The following GRAMD2B variants were observed in gnomAD, a reference collection of about 807,000 sequenced individuals.
GRAMD2B encodes GRAM domain-containing protein 2B.
In GRAMD2B, 41 loss-of-function variants were observed where a neutral mutation model predicts 59.2. The observed-to-expected ratio is 0.69, with a 90% CI of 0.54 to 0.90. The LOEUF is 0.90. Ranked by LOEUF, GRAMD2B falls within the 40% of genes least tolerant of loss-of-function variation. The pLI is 0.00. For synonymous variants in GRAMD2B, 161 were observed against 182.7 expected, an observed-to-expected ratio of 0.88 and a Z score of 0.96; for missense variants, 424 against 500.5, an observed-to-expected ratio of 0.85 and a Z score of 1.46.
chr5:126,469,790 T>G lies in GRAMD2B; in HGVS notation c.315+2T>G, dbSNP rs201227086. On this transcript the variant is annotated splice_donor_variant, in intron 3 of 13. Coordinates refer to ENST00000285689, the MANE Select transcript of GRAMD2B (RefSeq NM_023927.4). LOFTEE classifies it high-confidence loss of function. ...AAAAAGTCTTCATCTTCCAGCCAGG[T>G]AATTTGAGAATGGAATTTGTATTGT... 26 of 1,602,242 alleles carry G rather than the reference T, an allele frequency of 1.6e-5. No individual in the cohort carries two copies. The highest frequency in any genetic ancestry group is 2.2e-5 in the Non-Finnish European group (26 of 1,170,220).
chr5:126,473,207 C>A (rs1021514338), intron 4 of GRAMD2B, 58 bp from the exon 5 acceptor site: 1 of 619,948 alleles, frequency 1.6e-6, no homozygotes, highest in Non-Finnish European at 2.7e-6. Flanking sequence ...AATATATACA[C>A]GGTTTTTATT....
chr5:126,389,524 C>T (rs766837829), intron 1 of GRAMD2B, among the ~76,000 whole-genome samples: 10 of 151,964 alleles, frequency 6.6e-5, no homozygotes, highest in Non-Finnish European at 1.2e-4. Flanking sequence ...TAGTAAGAGC[C>T]CCTGAATGGT....
At chr5:126,442,581 C>T (rs924607711) in intron 1 of GRAMD2B, among the ~76,000 whole-genome samples, 1 of 152,020 alleles carries the variant, frequency 6.6e-6, no homozygotes, top group Non-Finnish European at 1.5e-5. Context: ...CGTGAGCGAC[C>T]GCGCCTGGCC....
At chr5:126,443,675 C>T (rs1763674007) in intron 1 of GRAMD2B, among the ~76,000 whole-genome samples, 1 of 152,212 alleles carries the variant, frequency 6.6e-6, no homozygotes, top group Non-Finnish European at 1.5e-5. Context: ...GGCTTTCTCT[C>T]AGCTGTGATG....
Position 126,383,972 on chromosome 5 carries a change from G to A in GRAMD2B, c.125+12405G>A, listed in dbSNP as rs1308676685. Among the ~76,000 whole-genome samples the A allele has an allele frequency of 7.2e-5, 11 of 152,176 alleles. No individual in the cohort carries two copies. The East Asian group carries it at 2.1e-3, about 29-fold the overall frequency. On this transcript the variant is annotated intron_variant, in intron 1 of 8. Coordinates refer to the GRAMD2B transcript ENST00000506445. Reference sequence around the variant, plus strand: ...TGTGGGCTTAAATGTTCTAATGCTGGTTGTGACTGTTATAGGACAACGAGG... The same window carrying A: ...TGTGGGCTTAAATGTTCTAATGCTGATTGTGACTGTTATAGGACAACGAGG...
At chr5:126,424,215 A>G (rs991748282) in intron 1 of GRAMD2B, among the ~76,000 whole-genome samples, 3 of 152,216 alleles carry the variant, frequency 2.0e-5, no homozygotes, top group African/African-American at 4.8e-5. Flanking sequence ...AAACACACAG[A>G]CAAGGTATGA....
chr5:126,373,603 A>G (rs1477784584), intron 1 of GRAMD2B, among the ~76,000 whole-genome samples: 4 of 152,248 alleles, frequency 2.6e-5, no homozygotes, highest in Non-Finnish European at 4.4e-5. Flanking sequence ...GATTTAGTTT[A>G]ATGTTTAAGA....
intron 1 of GRAMD2B, among the ~76,000 whole-genome samples, chr5:126,388,452 A>G (rs1561469073): frequency 6.6e-6 from 1 of 152,064 alleles, no homozygotes; most frequent in Admixed American, 6.6e-5. Context: ...ATTATAATGA[A>G]GATTTTATGC....
rs1257871923 is a variant in GRAMD2B, at chr5:126,455,481, A to G, written c.84-9945A>G. On this transcript the variant is annotated intron_variant, in intron 1 of 13. Transcript: ENST00000285689. ...GTGAGAGTGACTTTTCCTTGTCTGC[A>G]TATTGTGCTTCTGCCTTTCCTTGTG... is the stretch of plus-strand genomic sequence containing the variant. Among the ~76,000 whole-genome samples, 3 of 151,854 alleles carry G rather than the reference A, an allele frequency of 2.0e-5. No individual in the cohort carries two copies. The East Asian group carries it at 5.8e-4, about 29-fold the overall frequency.
intron 1 of GRAMD2B, among the ~76,000 whole-genome samples, chr5:126,362,220 C>A (rs1457032598): frequency 1.3e-5 from 2 of 152,172 alleles, no homozygotes; most frequent in Non-Finnish European, 2.9e-5. Context: ...TTTGATCGGG[C>A]AGCATCATTT....
chr5:126,451,655 A>G (rs1398821691), intron 1 of GRAMD2B, among the ~76,000 whole-genome samples: 2 of 152,160 alleles, frequency 1.3e-5, no homozygotes, highest in African/African-American at 4.8e-5. Flanking sequence ...TGGGGAAAGT[A>G]TGATTGTATT....
chr5:126,415,169 AG>A (rs1759158964), intron 1 of GRAMD2B, among the ~76,000 whole-genome samples: 1 of 152,096 alleles, frequency 6.6e-6, no homozygotes, highest in Non-Finnish European at 1.5e-5. Context: ...TGGGGGATGC[AG>A]GGGGTGGACA....
intron 1 of GRAMD2B, among the ~76,000 whole-genome samples, chr5:126,362,802 C>A (rs952050878): frequency 2.0e-5 from 3 of 152,156 alleles, no homozygotes; most frequent in African/African-American, 7.2e-5. Flanking sequence ...TGGACCCCTA[C>A]CTTACAACAT....
intron 1 of GRAMD2B, among the ~76,000 whole-genome samples, chr5:126,437,225 T>C (rs1308023118): frequency 6.6e-6 from 1 of 152,176 alleles, no homozygotes; most frequent in African/African-American, 2.4e-5. Flanking sequence ...TGTAAAACAA[T>C]CCAGGTGAGA....
intron 1 of GRAMD2B, among the ~76,000 whole-genome samples, chr5:126,380,259 G>T (rs1755551506): frequency 6.6e-6 from 1 of 152,094 alleles, no homozygotes; most frequent in Non-Finnish European, 1.5e-5. Context: ...CTGCTCCATT[G>T]GTCTATGTGC....
upstream of GRAMD2B, among the ~76,000 whole-genome samples, chr5:126,422,904 C>T (rs985601043): frequency 6.8e-6 from 1 of 147,780 alleles, no homozygotes; most frequent in Non-Finnish European, 1.5e-5. Context: ...TTCTTCTTTG[C>T]CCCTCTAACC....
chr5:126,405,926 T>A (rs1459679346), intron 1 of GRAMD2B, among the ~76,000 whole-genome samples: 4 of 151,852 alleles, frequency 2.6e-5, no homozygotes, highest in Non-Finnish European at 4.4e-5. Flanking sequence ...AAAAGTGTAG[T>A]TAAGAGTTTA....
Position 126,492,607 on chromosome 5 carries a change from G to A in GRAMD2B, c.1258-308G>A, listed in dbSNP as rs148766657. On this transcript the variant is annotated intron_variant, in intron 13 of 13. Coordinates refer to ENST00000285689, the MANE Select transcript of GRAMD2B (RefSeq NM_023927.4). The stretch of plus-strand genomic sequence containing the variant: ...ATGATGGTGCACGCCTGAAGTCCCA[G>A]CTACTTGGGAGGCTGAGGTGGGAGG... Among the ~76,000 whole-genome samples the A allele has an allele frequency of 1.6e-3, 240 of 151,900 alleles. 1 individual carries two copies. Among genetic ancestry groups the A allele is most frequent in the South Asian group, 2.9e-3 (14 of 4,788 alleles).
chr5:126,465,273 G>C (rs1233945694), intron 1 of GRAMD2B, 153 bp from the exon 2 acceptor site: 1 of 1,479,420 alleles, frequency 6.8e-7, no homozygotes, highest in Non-Finnish European at 8.9e-7. Context: ...TTAGAATGGA[G>C]ATTGGGAAAG....
Sources: gnomAD v4.1 joint callset for allele counts (sites outside exome capture counted in the v4.1 genomes callset) on GRCh38, gnomAD v4.1.1 for gene constraint, MANE v1.5 for transcripts, NCBI Gene and HGNC (gene_info 2026-07-23, HGNC 2026-07-21) for gene names.